Variants in DNAAF4 observed in about 807,000 individuals in gnomAD.
The protein encoded by DNAAF4 is dynein assembly factor 4, axonemal.
In DNAAF4, 43 loss-of-function variants were observed where a neutral mutation model predicts 51.8. The observed-to-expected ratio is 0.83, with a 90% CI of 0.65 to 1.07. The LOEUF is 1.07. Among genes scored for constraint, DNAAF4 ranks in the 50% least tolerant of loss-of-function variants. DNAAF4 has a pLI of 0.00. For synonymous variants in DNAAF4, 194 were observed against 165.6 expected (o/e 1.17, Z -1.32); for missense variants, 581 against 493.0 (o/e 1.18, Z -1.69).
intron 7 of DNAAF4, chr15:55,418,324 G>A: frequency 1.1e-5 from 17 of 1,543,818 alleles, no homozygotes; most frequent in Non-Finnish European, 1.5e-5. Flanking sequence ...CATGTATGTT[G>A]GATCCAAAGA....
intron 5 of DNAAF4, among the ~76,000 whole-genome samples, chr15:55,453,366 C>T (rs1175906478): frequency 6.6e-6 from 1 of 152,008 alleles, no homozygotes; most frequent in African/African-American, 2.4e-5. Flanking sequence ...GTATGAGGAA[C>T]AATCAGCAGA....
At chr15:55,429,935 G>C (rs2057470608), downstream of DNAAF4, among the ~76,000 whole-genome samples, 1 of 152,120 alleles carries the variant, frequency 6.6e-6, no homozygotes, top group Non-Finnish European at 1.5e-5. Context: ...CAACACAAAT[G>C]ATGGTGCAGT....
intron 4 of DNAAF4, 107 bp from the exon 5 acceptor site, chr15:55,467,268 C>T (rs1595924844): frequency 1.9e-6 from 2 of 1,072,514 alleles, no homozygotes; most frequent in East Asian, 2.5e-5. Context: ...AAACTCTTGC[C>T]ATTGTATTTG....
chr15:55,469,474 CTTTTTTTTT>C lies in DNAAF4; in HGVS notation c.406-2322_406-2314del, dbSNP rs1162485238. 6.0e-5 allele frequency among the ~76,000 whole-genome samples: 4 copies of C among 66,254 alleles called. 1 individual carries two copies. The highest frequency in any genetic ancestry group is 7.6e-5 in the Non-Finnish European group (3 of 39,422). 43.5% of individuals were successfully genotyped at this position (66,254 alleles called of 152,430 possible). A position where few individuals can be genotyped will look rare whatever the true frequency, so the allele number is the denominator to read the frequency against. On this transcript the variant is annotated intron_variant, in intron 4 of 9. Coordinates refer to ENST00000321149, the MANE Select transcript of DNAAF4 (RefSeq NM_130810.4). ...TGGGTTTCTCCTATGCTTACCAATT[CTTTTTTTTT>C]TTTTTTTTTTTTTTTTTGAGACGGA...
intron 4 of DNAAF4, among the ~76,000 whole-genome samples, chr15:55,473,844 T>C (rs545962055): frequency 6.6e-6 from 1 of 151,798 alleles, no homozygotes; most frequent in East Asian, 1.9e-4. Flanking sequence ...ATAAAAAAAT[T>C]AGCTGGGCGT....
At chr15:55,455,431 T>C (rs1398623891) in intron 5 of DNAAF4, among the ~76,000 whole-genome samples, 2 of 141,880 alleles carry the variant, frequency 1.4e-5, no homozygotes, top group Non-Finnish European at 1.5e-5. Flanking sequence ...AAATGACTTT[T>C]TTTTGTTTTT....
intron 3 of DNAAF4, among the ~76,000 whole-genome samples, chr15:55,494,809 C>A (rs1322517357): frequency 2.0e-5 from 3 of 152,002 alleles, no homozygotes; most frequent in Non-Finnish European, 4.4e-5. Context: ...TCCCCTCAGC[C>A]CACAAGCCTT....
chr15:55,487,304 G>A (rs73411019), intron 4 of DNAAF4, among the ~76,000 whole-genome samples: 7,696 of 152,026 alleles, frequency 0.051, 669 homozygotes, highest in African/African-American at 0.18. Flanking sequence ...GATTGTAAAC[G>A]CGCCAATCAG....
At chr15:55,476,296 C>T (rs1371149905) in intron 4 of DNAAF4, among the ~76,000 whole-genome samples, 1 of 151,964 alleles carries the variant, frequency 6.6e-6, no homozygotes, top group African/African-American at 2.4e-5. Flanking sequence ...AGAGTATCCC[C>T]ATCTTTACTA....
chr15:55,432,176 C>A (rs1413678192), intron 9 of DNAAF4, among the ~76,000 whole-genome samples: 1 of 151,990 alleles, frequency 6.6e-6, no homozygotes, highest in Admixed American at 6.6e-5. Context: ...GTCTCGAACT[C>A]CCGACCTCAG....
chr15:55,490,956 GAAA>G, intron 4 of DNAAF4, 164 bp downstream of exon 4: 1 of 607,856 alleles, frequency 1.6e-6, no homozygotes, highest in Non-Finnish European at 2.5e-6. Flanking sequence ...TCGGTCTCAA[GAAA>G]AAAAAAAACA....
chr15:55,462,356 C>G (rs966171702), intron 5 of DNAAF4, among the ~76,000 whole-genome samples: 7 of 152,148 alleles, frequency 4.6e-5, no homozygotes, highest in African/African-American at 1.4e-4. Context: ...CCACACCCTG[C>G]TAATTTTTGT....
At chr15:55,441,245 T>C (rs1335871476) in intron 6 of DNAAF4, among the ~76,000 whole-genome samples, 1 of 150,958 alleles carries the variant, frequency 6.6e-6, no homozygotes, top group Non-Finnish European at 1.5e-5. Context: ...CCAGTTTTTG[T>C]ATTTTTAGTA....
At position 55,497,805 on chromosome 15, in the gene DNAAF4, C is replaced by A. The variant is rs780000683; in HGVS notation, c.178G>T (p.Glu60Ter). 2 of 1,613,772 alleles carry A rather than the reference C, an allele frequency of 1.2e-6. No individual in the cohort carries two copies. Among genetic ancestry groups the A allele is most frequent in the African/African-American group, 2.7e-5 (2 of 74,888 alleles). The stretch of plus-strand genomic sequence containing the variant: ...TTCCCAATCTTTGCTTTGCTGCTCT[C>A]ATCGTCTATGGGAGCATAAAGAAAT... The part of the protein sequence containing the change: ...EAFLYAPIDD[E>*]SSKAKIGNDT... The change falls in exon 3 of 10, where the codon GAG (glutamate) becomes TAG (stop). Residue 60 changes from glutamate (E) to a stop codon, truncating the protein, a stop_gained. Transcript: ENST00000321149. LOFTEE classifies it high-confidence loss of function.
chr15:55,502,657 CT>C (rs1284756814), intron 1 of DNAAF4, among the ~76,000 whole-genome samples: 1 of 152,080 alleles, frequency 6.6e-6, no homozygotes, highest in Non-Finnish European at 1.5e-5. Flanking sequence ...AAAAAAGTAG[CT>C]GTTGCTCTTG....
At chr15:55,434,499 T>C (rs1019484571) in intron 8 of DNAAF4, among the ~76,000 whole-genome samples, 1 of 152,118 alleles carries the variant, frequency 6.6e-6, no homozygotes, top group Non-Finnish European at 1.5e-5. Flanking sequence ...AAGTAGAATA[T>C]ACTAAGTTAC....
chr15:55,452,425 T>C (rs1261705085), intron 5 of DNAAF4, among the ~76,000 whole-genome samples: 1 of 151,812 alleles, frequency 6.6e-6, no homozygotes, highest in African/African-American at 2.4e-5. Flanking sequence ...AAAAACTATA[T>C]TGCTACAGAA....
At chr15:55,505,432 T>G (rs2058721835) in intron 1 of DNAAF4, among the ~76,000 whole-genome samples, 1 of 151,888 alleles carries the variant, frequency 6.6e-6, no homozygotes, top group African/African-American at 2.4e-5. Context: ...ATATAAAAGA[T>G]TATAAATCAT....
intron 5 of DNAAF4, among the ~76,000 whole-genome samples, chr15:55,452,663 C>T (rs982444499): frequency 2.6e-5 from 4 of 152,064 alleles, no homozygotes; most frequent in South Asian, 2.1e-4. Context: ...GTTATGAACA[C>T]ATACAAATTC....
Sources: gnomAD v4.1 joint callset for allele counts (sites outside exome capture counted in the v4.1 genomes callset) on GRCh38, gnomAD v4.1.1 for gene constraint, MANE v1.5 for transcripts, NCBI Gene and HGNC (gene_info 2026-07-23, HGNC 2026-07-21) for gene names.